ARHGAP26: variants seen among roughly 807,000 people sequenced by gnomAD.
ARHGAP26 encodes Rho GTPase activating protein 26, also known as rho GTPase-activating protein 26.
A neutral mutation model predicts 104.8 loss-of-function variants in ARHGAP26; 38 were observed. The ratio of observed to expected loss-of-function variants is 0.36; its 90% CI spans 0.28 to 0.48. The LOEUF is 0.48. ARHGAP26 is among the 20% of genes least tolerant of loss of function. The pLI is 0.99. For missense variants in ARHGAP26, 704 were observed against 947.9 expected (o/e 0.74, Z 3.38); for synonymous variants, 341 against 340.0 (o/e 1.00, Z -0.03).
chr5:143,183,611 A>G (rs1038632903), intron 20 of ARHGAP26, among the ~76,000 whole-genome samples: 3 of 152,132 alleles, frequency 2.0e-5, no homozygotes, highest in African/African-American at 4.8e-5. Context: ...CCCTGCCCAC[A>G]CGTACTGTGA....
chr5:142,917,081 C>A (rs1422261262), intron 10 of ARHGAP26, among the ~76,000 whole-genome samples: 1 of 151,248 alleles, frequency 6.6e-6, no homozygotes, highest in African/African-American at 2.4e-5. Flanking sequence ...GCTCTGTTGC[C>A]CAGGCCGGAG....
intron 1 of ARHGAP26, among the ~76,000 whole-genome samples, chr5:142,810,550 T>G (rs2152016918): frequency 6.6e-6 from 1 of 152,298 alleles, no homozygotes; most frequent in South Asian, 2.1e-4. Context: ...AATTTAAAAC[T>G]TAATCTCTGT....
chr5:142,857,383 T>C (rs979974844), intron 1 of ARHGAP26, among the ~76,000 whole-genome samples: 5 of 152,142 alleles, frequency 3.3e-5, no homozygotes, highest in African/African-American at 1.2e-4. Context: ...ACAGTGAGGC[T>C]GCTTGGGGGA....
Position 142,839,330 on chromosome 5 carries a change from A to G in ARHGAP26, c.155-34070A>G, listed in dbSNP as rs1253231730. Among the ~76,000 whole-genome samples, 5 of 152,284 alleles carry G rather than the reference A, an allele frequency of 3.3e-5. No individual in the cohort carries two copies. In the East Asian group the frequency reaches 9.6e-4, roughly 29 times the overall value. On this transcript the variant is annotated intron_variant, in intron 1 of 22. Transcript: ENST00000645722. ...AAGCACTTTACAAGTGTTAGTTATA[A>G]TAACCCCATTTAATTGTTATAACAA...
At chr5:142,895,740 T>A (rs1157680374) in intron 6 of ARHGAP26, among the ~76,000 whole-genome samples, 2 of 152,206 alleles carry the variant, frequency 1.3e-5, no homozygotes, top group East Asian at 3.9e-4. Context: ...ATCCTAGCAC[T>A]TTGAGAGGCT....
chr5:143,039,202 T>C (rs1282296754), intron 13 of ARHGAP26, among the ~76,000 whole-genome samples: 1 of 152,114 alleles, frequency 6.6e-6, no homozygotes. Context: ...TAAGGTAATT[T>C]TTCTTTTTTC....
intron 20 of ARHGAP26, among the ~76,000 whole-genome samples, chr5:143,198,492 A>G (rs1162499248): frequency 1.3e-5 from 2 of 152,204 alleles, no homozygotes; most frequent in African/African-American, 4.8e-5. Context: ...ATTGTGAGCC[A>G]CGGTGCACAA....
chr5:142,840,508 T>C (rs1407763320), intron 1 of ARHGAP26, among the ~76,000 whole-genome samples: 1 of 152,188 alleles, frequency 6.6e-6, no homozygotes, highest in Non-Finnish European at 1.5e-5. Flanking sequence ...ACAGCCAAGG[T>C]TCTACTCTTA....
At chr5:142,943,253 A>C (rs1766642633) in intron 11 of ARHGAP26, among the ~76,000 whole-genome samples, 1 of 152,200 alleles carries the variant, frequency 6.6e-6, no homozygotes, top group African/African-American at 2.4e-5. Flanking sequence ...TTCCTATCTG[A>C]GACTGGTTCC....
At position 142,962,960 on chromosome 5, in the gene ARHGAP26, C is replaced by T. The variant is rs887436733; in HGVS notation, c.1107+30835C>T. 3.3e-5 allele frequency among the ~76,000 whole-genome samples: 5 copies of T among 151,938 alleles called. No individual in the cohort carries two copies. The East Asian group carries it at 5.8e-4, about 18-fold the overall frequency. On this transcript the variant is annotated intron_variant, in intron 11 of 22. Coordinates refer to ENST00000645722, the MANE Select transcript of ARHGAP26 (RefSeq NM_001135608.3). ...CAATCTTCTCCCTTCTCCCACCCTC[C>T]ACTCTCAAGTAGGCTCCAGTGTCTG...
intron 11 of ARHGAP26, among the ~76,000 whole-genome samples, chr5:142,948,259 C>T (rs1212352879): frequency 6.6e-6 from 1 of 151,838 alleles, no homozygotes; most frequent in Non-Finnish European, 1.5e-5. Context: ...GCCCAGGGAT[C>T]AGGAATTGGT....
At chr5:142,774,814 A>T (rs1035816209) in intron 1 of ARHGAP26, among the ~76,000 whole-genome samples, 1 of 152,122 alleles carries the variant, frequency 6.6e-6, no homozygotes, top group Non-Finnish European at 1.5e-5. Context: ...CCAGAATGTC[A>T]TGTAGTTGGA....
At chr5:143,135,168 A>T (rs2150906686) in intron 19 of ARHGAP26, among the ~76,000 whole-genome samples, 1 of 152,360 alleles carries the variant, frequency 6.6e-6, no homozygotes, top group African/African-American at 2.4e-5. Flanking sequence ...CTCTGGCCCC[A>T]GGTCGTCTGG....
chr5:143,131,539 A>T (rs1797351938), intron 18 of ARHGAP26, among the ~76,000 whole-genome samples: 1 of 152,268 alleles, frequency 6.6e-6, no homozygotes. Context: ...AACTGAGGCC[A>T]GAGGCAGAAA....
At chr5:142,920,609 C>T (rs1279201141) in intron 10 of ARHGAP26, among the ~76,000 whole-genome samples, 2 of 152,182 alleles carry the variant, frequency 1.3e-5, no homozygotes, top group African/African-American at 2.4e-5. Context: ...AATGTCCATA[C>T]ATTTGAAAAT....
chr5:142,892,804 A>G (rs1246169015), intron 5 of ARHGAP26, among the ~76,000 whole-genome samples: 1 of 152,104 alleles, frequency 6.6e-6, no homozygotes, highest in African/African-American at 2.4e-5. Context: ...TCGAACATTT[A>G]TCATTTCTTT....
intron 20 of ARHGAP26, among the ~76,000 whole-genome samples, chr5:143,171,434 T>G (rs1372262071): frequency 6.6e-6 from 1 of 152,142 alleles, no homozygotes; most frequent in Non-Finnish European, 1.5e-5. Flanking sequence ...GACAGATACT[T>G]GGAGATCATA....
chr5:142,874,099 T>G (rs1755724352), intron 2 of ARHGAP26, among the ~76,000 whole-genome samples: 1 of 152,150 alleles, frequency 6.6e-6, no homozygotes, highest in Non-Finnish European at 1.5e-5. Flanking sequence ...GGTTCTCCTG[T>G]GCTGTGGACA....
At chr5:143,047,356 C>T (rs756529500) in intron 14 of ARHGAP26, among the ~76,000 whole-genome samples, 4 of 152,196 alleles carry the variant, frequency 2.6e-5, no homozygotes, top group African/African-American at 9.7e-5. Context: ...AATAATGGCT[C>T]CTGCCTCCAT....
Sources: allele counts gnomAD v4.1 joint callset (sites outside exome capture counted in the v4.1 genomes callset), GRCh38; gene constraint gnomAD v4.1.1; transcripts MANE v1.5; gene names NCBI Gene and HGNC (gene_info 2026-07-23, HGNC 2026-07-21).